The following HSPG2 variants were observed in gnomAD, a reference collection of about 807,000 sequenced individuals.
HSPG2 encodes the protein heparan sulfate proteoglycan 2.
HSPG2 carries 278 observed loss-of-function variants against 526.6 expected under a neutral mutation model. That is an observed-to-expected ratio of 0.53 (90% CI 0.48 to 0.58). HSPG2 has a LOEUF of 0.58. Among genes scored for constraint, HSPG2 ranks in the 20% least tolerant of loss-of-function variants. The pLI is 0.00. For synonymous variants in HSPG2, 2,465 were observed against 2,555.4 expected (o/e 0.96, Z 1.07); for missense variants, 5,354 against 6,099.5 (o/e 0.88, Z 4.07).
intron 21 of HSPG2, 99 bp from the exon 22 acceptor site, chr1:21,876,751 A>AG: frequency 2.6e-6 from 4 of 1,527,930 alleles, no homozygotes; most frequent in Non-Finnish European, 3.6e-6. Context: ...CCCAAGACCC[A>AG]GGGGAGCCAC....
chr1:21,933,800 T>A (rs1227737490), intron 1 of HSPG2, among the ~76,000 whole-genome samples: 1 of 152,220 alleles, frequency 6.6e-6, no homozygotes, highest in Non-Finnish European at 1.5e-5. Context: ...CCCCATCCTG[T>A]GCCGGCTGCA....
intron 76 of HSPG2, 73 bp from the exon 77 acceptor site, chr1:21,835,018 C>A (rs1449413523): frequency 6.4e-7 from 1 of 1,558,150 alleles, no homozygotes; most frequent in Non-Finnish European, 8.8e-7. Flanking sequence ...CCATAGACTG[C>A]CCAAGGAAAG....
chr1:21,854,821 AC>A, intron 48 of HSPG2, 26 bp downstream of exon 48: 4 of 1,612,722 alleles, frequency 2.5e-6, no homozygotes, highest in Non-Finnish European at 3.4e-6. Flanking sequence ...TGCCCTCCCC[AC>A]CCCTCCATTC....
intron 96 of HSPG2, 52 bp from the exon 97 acceptor site, chr1:21,823,540 G>A (rs372606105): frequency 3.7e-6 from 6 of 1,609,130 alleles, no homozygotes; most frequent in African/African-American, 2.7e-5. Flanking sequence ...CCCAGGAGGC[G>A]AGGAAGGCTG....
At position 21,823,721 on chromosome 1, in the gene HSPG2, TGCAGTGGA is replaced by T. The variant is rs2097958905; in HGVS notation, c.12900-10_12900-3del. On this transcript the variant is annotated splice_polypyrimidine_tract_variant and splice_region_variant and intron_variant, in intron 95 of 96. Coordinates refer to ENST00000374695, the MANE Select transcript of HSPG2 (RefSeq NM_005529.7). Reference sequence around the variant, plus strand: ...TGGATGGAACCTCTGCGGCCCTCCCTGCAGTGGAACTGGGTCAGGCCCCTTTCCACAAA... The same window carrying T: ...TGGATGGAACCTCTGCGGCCCTCCCTACTGGGTCAGGCCCCTTTCCACAAA... 6.2e-7 allele frequency: 1 copy of T among 1,612,274 alleles called. No individual in the cohort carries two copies. The highest frequency in any genetic ancestry group is 1.7e-5 in the Admixed American group (1 of 59,996).
rs1011287409 is a variant in HSPG2 at position 21,825,512 on chromosome 1, G to A, written c.12590-733C>T. ...AGGCTTGGGCGAGTGACTGGCCCAG[G>A]ATGTCCATACTGTGTGTGGCTCCAC... On this transcript the variant is annotated intron_variant, in intron 91 of 96. Coordinates refer to ENST00000374695, the MANE Select transcript of HSPG2 (RefSeq NM_005529.7). 3.2e-4 allele frequency among the ~76,000 whole-genome samples: 49 copies of A among 152,126 alleles called. 1 individual carries two copies. Among genetic ancestry groups the A allele is most frequent in the Admixed American group, 2.7e-3 (42 of 15,286 alleles).
intron 47 of HSPG2, 47 bp from the exon 48 acceptor site, chr1:21,855,030 C>T (rs767029482): frequency 1.3e-5 from 21 of 1,604,338 alleles, no homozygotes; most frequent in South Asian, 7.7e-5. Context: ...AGCTGGACAA[C>T]GGCTGGCCAG....
chr1:21,831,360 G>C (rs1557677765), intron 83 of HSPG2, 36 bp from the exon 84 acceptor site: 1 of 1,607,250 alleles, frequency 6.2e-7, no homozygotes, highest in East Asian at 2.2e-5. Context: ...CACAGGGCAG[G>C]GTGTCCCAGC....
chr1:21,837,275 G>A (rs1211877151), intron 74 of HSPG2, among the ~76,000 whole-genome samples: 2 of 152,194 alleles, frequency 1.3e-5, no homozygotes, highest in Non-Finnish European at 1.5e-5. Context: ...CACGAAAAGA[G>A]TGGGAGGGAC....
Position 21,855,894 on chromosome 1 carries a change from G to A in HSPG2, c.5594C>T (p.Ala1865Val), listed in dbSNP as rs773237789. The A allele has an allele frequency of 1.2e-6, 2 of 1,610,882 alleles. No individual in the cohort carries two copies. Among genetic ancestry groups the A allele is most frequent in the African/African-American group, 1.3e-5 (1 of 74,938 alleles). Residue 1865 changes from alanine (A) to valine (V), a missense_variant, in exon 45 of 97, where the codon GCC becomes GTC. Transcript: ENST00000374695. ...LHVQASGTLSAPVVSIHPPQL... is the reference protein window; with the variant it reads ...LHVQASGTLSVPVVSIHPPQL... ...TGGCGGATGGATGGAGACCACGGGGGCGGACAAGGTGCCCGAGGCTGACAA... is the reference window on the plus strand; with the variant it reads ...TGGCGGATGGATGGAGACCACGGGGACGGACAAGGTGCCCGAGGCTGACAA...
At chr1:21,878,708 G>A (rs1486613283) in intron 18 of HSPG2, 45 bp from the exon 19 acceptor site, 1 of 1,543,208 alleles carries the variant, frequency 6.5e-7, no homozygotes, top group East Asian at 2.2e-5. Context: ...GCTGGGGTCA[G>A]GCTTTCTCCT....
At chr1:21,883,160 T>C (rs1420366008) in intron 13 of HSPG2, among the ~76,000 whole-genome samples, 1 of 152,224 alleles carries the variant, frequency 6.6e-6, no homozygotes, top group Non-Finnish European at 1.5e-5. Flanking sequence ...CCTGGGGCTC[T>C]CATCTTAAAA....
rs759420792 is a variant in HSPG2, at chr1:21,852,159, C to T, written c.6799G>A (p.Val2267Met). ...TGGGCGTGGGCCTGCCCTGCCACCA[C>T]GCAGCTCAGATCCAGGGTCTGGCCC... Reference protein sequence around the residue: ...AEGQTLDLSCVVAGQAHAQVT... With the variant: ...AEGQTLDLSCMVAGQAHAQVT... The change falls in exon 53 of 97, where the codon GTG becomes ATG. Residue 2267 changes from valine (V) to methionine (M), a missense_variant. Physicochemically the swap from Val to Met is conservative, Grantham distance 21. Transcript: ENST00000374695. 23 of 1,613,982 alleles carry T rather than the reference C, an allele frequency of 1.4e-5. No individual in the cohort carries two copies. The highest frequency in any genetic ancestry group is 7.7e-5 in the South Asian group (7 of 91,090).
chr1:21,919,729 C>T (rs1227180378), intron 1 of HSPG2, among the ~76,000 whole-genome samples: 1 of 152,114 alleles, frequency 6.6e-6, no homozygotes, highest in Non-Finnish European at 1.5e-5. Flanking sequence ...TCCAAGGGGG[C>T]CTGAAACTCT....
rs916959204 is a variant in HSPG2, at chr1:21,889,500, G to A, written c.574+481C>T. On this transcript the variant is annotated intron_variant, in intron 6 of 96. Coordinates refer to ENST00000374695, the MANE Select transcript of HSPG2 (RefSeq NM_005529.7). ...GACACCGAGTTTGTTTGAAATCCTC[G>A]CCTTTTCACTATCTGCCCATCTGAT... Among the ~76,000 whole-genome samples the A allele has an allele frequency of 2.6e-5, 4 of 152,098 alleles. No individual in the cohort carries two copies. The highest frequency in any genetic ancestry group is 4.8e-5 in the African/African-American group (2 of 41,404).
At chr1:21,905,567 C>T (rs1643338038) in intron 1 of HSPG2, among the ~76,000 whole-genome samples, 1 of 152,176 alleles carries the variant, frequency 6.6e-6, no homozygotes, top group African/African-American at 2.4e-5. Flanking sequence ...CATGGTGAAA[C>T]CCCATCTCTA....
intron 1 of HSPG2, among the ~76,000 whole-genome samples, chr1:21,934,073 G>A (rs562757241): frequency 2.0e-5 from 3 of 152,188 alleles, no homozygotes; most frequent in Non-Finnish European, 4.4e-5. Context: ...GGCCTGCCGA[G>A]TCACCCAGGC....
At position 21,872,843 on chromosome 1, in the gene HSPG2, C is replaced by T. The variant is rs552998854; in HGVS notation, c.3889-83G>A. On this transcript the variant is annotated intron_variant, in intron 31 of 96. Transcript: ENST00000374695. The surrounding 1 kb of genome is among the most constrained non-coding windows in gnomAD (Gnocchi z 5.5). ...AGCAGCCTGAGGCCAGCCTCCCTGG[C>T]CACTTCCAGCAGCCCCGGGCAGCCC... The T allele has an allele frequency of 5.7e-6, 9 of 1,565,996 alleles. No homozygotes were observed. The Admixed American group carries it at 1.3e-4, about 22-fold the overall frequency.
chr1:21,870,762 A>C, intron 33 of HSPG2: 2 of 887,344 alleles, frequency 2.3e-6, no homozygotes, highest in African/African-American at 1.8e-5. Flanking sequence ...CTCCCCACGC[A>C]GGGCTGGGAG....
Sources: allele counts gnomAD v4.1 joint callset (sites outside exome capture counted in the v4.1 genomes callset), GRCh38; gene constraint gnomAD v4.1.1; non-coding constraint Gnocchi (gnomAD v3.1); transcripts MANE v1.5; gene names NCBI Gene and HGNC (gene_info 2026-07-23, HGNC 2026-07-21).